Variants in ACCSL observed in about 807,000 individuals in gnomAD.
ACCSL encodes probable inactive 1-aminocyclopropane-1-carboxylate synthase-like protein 2.
In ACCSL, 55 loss-of-function variants were observed where a neutral mutation model predicts 61.7. That is an observed-to-expected ratio of 0.89 (90% CI 0.72 to 1.12). The LOEUF is 1.12. Among genes scored for constraint, ACCSL ranks in the 50% most tolerant of loss-of-function variants. ACCSL has a pLI of 0.00. For missense variants in ACCSL, 632 were observed against 698.0 expected, an observed-to-expected ratio of 0.91 and a Z score of 1.07; for synonymous variants, 258 against 264.3, an observed-to-expected ratio of 0.98 and a Z score of 0.23.
the ACCSL span, among the ~76,000 whole-genome samples, chr11:44,035,655 G>A: frequency 4.6e-5 from 7 of 152,066 alleles, no homozygotes; most frequent in African/African-American, 1.7e-4. Context: ...ATAGCTGAAG[G>A]GGCAGGGCAC....
the ACCSL span, chr11:43,943,215 T>A: frequency 3.3e-6 from 5 of 1,524,590 alleles, no homozygotes; most frequent in South Asian, 6.1e-5. The surrounding 1 kb of genome is among the most constrained non-coding windows in gnomAD (Gnocchi z 4.8). Context: ...CGGGAGCAGC[T>A]CAGCAGCTGC....
intron 9 of ACCSL, 62 bp downstream of exon 9, chr11:44,055,353 G>A: frequency 1.5e-6 from 2 of 1,370,556 alleles, no homozygotes; most frequent in Non-Finnish European, 2.1e-6. Context: ...TGCAGGGTGA[G>A]TTTATGTGAC....
At chr11:43,941,275 CGTGT>C in the ACCSL span, among the ~76,000 whole-genome samples, 10 of 152,150 alleles carry the variant, frequency 6.6e-5, no homozygotes, top group Non-Finnish European at 1.3e-4. Context: ...TGTTCTTCTT[CGTGT>C]GTGTATCATC....
At chr11:43,942,543 G>A in the ACCSL span, 1 of 263,020 alleles carries the variant, frequency 3.8e-6, no homozygotes, top group Admixed American at 5.6e-5. Flanking sequence ...GGCGCGGGGC[G>A]CGCACGCTTT....
At chr11:43,963,375 G>A in the ACCSL span, among the ~76,000 whole-genome samples, 1 of 152,184 alleles carries the variant, frequency 6.6e-6, no homozygotes, top group Non-Finnish European at 1.5e-5. Context: ...CCAGTTATAT[G>A]TGAGTGCAAG....
At chr11:43,986,236 A>G in the ACCSL span, among the ~76,000 whole-genome samples, 1 of 151,436 alleles carries the variant, frequency 6.6e-6, no homozygotes, top group Admixed American at 6.6e-5. Flanking sequence ...AGGTGACATC[A>G]TCTCTCATCA....
chr11:44,037,026 C>T, the ACCSL span, among the ~76,000 whole-genome samples: 2 of 152,174 alleles, frequency 1.3e-5, no homozygotes, highest in Non-Finnish European at 2.9e-5. Flanking sequence ...GTTATGCAAT[C>T]TGGAGGGATG....
At chr11:43,968,653 C>T in the ACCSL span, among the ~76,000 whole-genome samples, 1 of 152,178 alleles carries the variant, frequency 6.6e-6, no homozygotes, top group African/African-American at 2.4e-5. Context: ...GGCTTCGAAA[C>T]CACTGACAGC....
chr11:43,983,326 T>C, the ACCSL span, among the ~76,000 whole-genome samples: 1 of 152,282 alleles, frequency 6.6e-6, no homozygotes, highest in South Asian at 2.1e-4. Flanking sequence ...GAGAATATTA[T>C]TAAGGAAAAA....
At chr11:44,013,620 G>A in the ACCSL span, among the ~76,000 whole-genome samples, 1 of 152,202 alleles carries the variant, frequency 6.6e-6, no homozygotes, top group East Asian at 1.9e-4. Flanking sequence ...GGTTTTCTCT[G>A]TAAGACAGAA....
At chr11:43,946,206 C>T in the ACCSL span, among the ~76,000 whole-genome samples, 1 of 152,168 alleles carries the variant, frequency 6.6e-6, no homozygotes, top group Non-Finnish European at 1.5e-5. Flanking sequence ...CCTGCCTCAG[C>T]CTCCCGAGTA....
the ACCSL span, among the ~76,000 whole-genome samples, chr11:43,958,479 T>G: frequency 6.6e-6 from 1 of 152,308 alleles, no homozygotes; most frequent in Admixed American, 6.5e-5. Flanking sequence ...TCCCCAAGTT[T>G]TCAGGGAGAC....
At chr11:44,007,342 C>T in the ACCSL span, among the ~76,000 whole-genome samples, 1 of 152,168 alleles carries the variant, frequency 6.6e-6, no homozygotes, top group African/African-American at 2.4e-5. Flanking sequence ...CATTCCAGAG[C>T]CTGGGCGAGA....
At chr11:43,974,081 G>T in the ACCSL span, 3 of 152,196 alleles carry the variant, frequency 2.0e-5, no homozygotes, top group East Asian at 1.9e-4. Flanking sequence ...TTGGCAAATG[G>T]TAAGTGTTTA....
the ACCSL span, among the ~76,000 whole-genome samples, chr11:44,000,725 A>AAAAGAAAGAAAGAAAGAAAGAAAG: frequency 6.2e-3 from 909 of 146,788 alleles, 10 homozygotes; most frequent in Non-Finnish European, 7.5e-3. Flanking sequence ...TCTGCCTCAA[A>AAAAGAAAGAAAGAAAGAAAGAAAG]AAAGAAAGAA....
At chr11:44,058,264 C>T (rs754340217) in intron 11 of ACCSL, 53 bp from the exon 12 acceptor site, 45 of 1,585,472 alleles carry the variant, frequency 2.8e-5, no homozygotes, top group Non-Finnish European at 3.4e-5. Context: ...AAGGAACTCT[C>T]GGTAGATTTC....
At chr11:44,015,733 A>G in the ACCSL span, among the ~76,000 whole-genome samples, 2,625 of 152,276 alleles carry the variant, frequency 0.017, 68 homozygotes, top group African/African-American at 0.06. Context: ...AGGATGGTGT[A>G]CTAGAAAGAG....
chr11:43,962,639 C>A, the ACCSL span, among the ~76,000 whole-genome samples: 1 of 152,182 alleles, frequency 6.6e-6, no homozygotes, highest in Middle Eastern at 3.2e-3. Context: ...GCCTATTATT[C>A]AACATTTCTC....
chr11:44,034,211 T>C, the ACCSL span, among the ~76,000 whole-genome samples: 1 of 152,216 alleles, frequency 6.6e-6, no homozygotes, highest in Non-Finnish European at 1.5e-5. Context: ...CATCTGGGAC[T>C]GTGGGTCTTC....
Sources: gnomAD v4.1 joint callset for allele counts (sites outside exome capture counted in the v4.1 genomes callset) on GRCh38, gnomAD v4.1.1 for gene constraint, Gnocchi (gnomAD v3.1) non-coding constraint, MANE v1.5 for transcripts, NCBI Gene and HGNC (gene_info 2026-07-23, HGNC 2026-07-21) for gene names.